UBE2E2: variants seen among roughly 807,000 people sequenced by gnomAD.
The protein encoded by UBE2E2 is ubiquitin-conjugating enzyme E2 E2.
A neutral mutation model predicts 24.7 loss-of-function variants in UBE2E2; 6 were observed. The ratio of observed to expected loss-of-function variants is 0.24; its 90% CI spans 0.13 to 0.48. The LOEUF is 0.48. Ranked by LOEUF, UBE2E2 falls within the 20% of genes least tolerant of loss-of-function variation. The pLI is 0.99. For synonymous variants in UBE2E2, 104 were observed against 83.6 expected (o/e 1.24, Z -1.33); for missense variants, 169 against 245.0 (o/e 0.69, Z 2.07).
intron 3 of UBE2E2, among the ~76,000 whole-genome samples, chr3:23,432,633 T>C (rs1473242654): frequency 6.6e-6 from 1 of 152,008 alleles, no homozygotes; most frequent in Admixed American, 6.6e-5. Context: ...GAAGGATGCT[T>C]ACTATTACTC....
chr3:23,502,872 T>C (rs1699754393), intron 4 of UBE2E2, among the ~76,000 whole-genome samples: 1 of 152,220 alleles, frequency 6.6e-6, no homozygotes, highest in South Asian at 2.1e-4. Context: ...AGGTAAGGCA[T>C]TTTACATAGT....
At chr3:23,345,650 A>T (rs1414017250) in intron 3 of UBE2E2, among the ~76,000 whole-genome samples, 2 of 152,214 alleles carry the variant, frequency 1.3e-5, no homozygotes, top group Non-Finnish European at 2.9e-5. Context: ...ATATTGAGTA[A>T]ATTAAAGTTA....
intron 3 of UBE2E2, among the ~76,000 whole-genome samples, chr3:23,374,109 T>G (rs936941158): frequency 6.6e-6 from 1 of 152,190 alleles, no homozygotes; most frequent in Non-Finnish European, 1.5e-5. Context: ...TATAATGGTA[T>G]AAAATCTTTA....
chr3:23,299,570 C>T (rs1699011710), intron 3 of UBE2E2, among the ~76,000 whole-genome samples: 1 of 152,170 alleles, frequency 6.6e-6, no homozygotes, highest in African/African-American at 2.4e-5. Flanking sequence ...GCAGGTTGTT[C>T]AGTTTCCATG....
At chr3:23,579,091 C>T (rs187994144) in intron 5 of UBE2E2, among the ~76,000 whole-genome samples, 2 of 152,136 alleles carry the variant, frequency 1.3e-5, no homozygotes, top group Admixed American at 6.6e-5. Context: ...GCTTTCAATT[C>T]TTATTATTTA....
intron 5 of UBE2E2, among the ~76,000 whole-genome samples, chr3:23,562,009 T>G (rs1220783924): frequency 1.3e-5 from 2 of 152,362 alleles, no homozygotes; most frequent in East Asian, 3.9e-4. Context: ...TCATGTGACC[T>G]GCAAACAGGG....
chr3:23,447,437 T>C (rs1315007626), intron 3 of UBE2E2, among the ~76,000 whole-genome samples: 5 of 152,200 alleles, frequency 3.3e-5, no homozygotes, highest in Admixed American at 3.3e-4. Context: ...TGTGAGTTAG[T>C]TGTAGTTATG....
chr3:23,464,583 A>G (rs1489121063), intron 3 of UBE2E2, among the ~76,000 whole-genome samples: 1 of 152,184 alleles, frequency 6.6e-6, no homozygotes, highest in African/African-American at 2.4e-5. Context: ...TTGTACTTAA[A>G]TTCAAAGACA....
rs1291832967 is a variant in UBE2E2 at position 23,591,117 on chromosome 3, G to C, written c.*1286G>C. On this transcript the variant is annotated 3_prime_UTR_variant, in exon 6 of 6. Transcript: ENST00000396703. ...CACCTTCAGGCTATTTTAGTGTGCA[G>C]CTATAGGAGGCAGAGGAAACGTGGG... is the stretch of plus-strand genomic sequence containing the variant. 2 of 152,198 alleles carry C rather than the reference G, an allele frequency of 1.3e-5. No individual in the cohort carries two copies. Among genetic ancestry groups the C allele is most frequent in the Admixed American group, 6.5e-5 (1 of 15,274 alleles). The allele number at this position is 152,198 out of a possible 1,614,324, so 9.4% of individuals were successfully genotyped here.
chr3:23,288,231 C>A (rs961763435), intron 3 of UBE2E2, among the ~76,000 whole-genome samples: 1 of 152,042 alleles, frequency 6.6e-6, no homozygotes, highest in Non-Finnish European at 1.5e-5. Context: ...TTTGAAAATT[C>A]TTCTCGTTAT....
At chr3:23,236,774 C>T (rs1039307420) in intron 3 of UBE2E2, among the ~76,000 whole-genome samples, 2 of 152,102 alleles carry the variant, frequency 1.3e-5, no homozygotes, top group African/African-American at 4.8e-5. Context: ...TAAACATTTC[C>T]TGTGGATGTG....
chr3:23,296,017 CT>C (rs1312638634), intron 3 of UBE2E2, among the ~76,000 whole-genome samples: 1 of 152,142 alleles, frequency 6.6e-6, no homozygotes, highest in Non-Finnish European at 1.5e-5. Context: ...GAGCTTATAG[CT>C]CTCATAGCTT....
chr3:23,572,462 C>G (rs1696250336), intron 5 of UBE2E2, among the ~76,000 whole-genome samples: 1 of 152,124 alleles, frequency 6.6e-6, no homozygotes. Context: ...GTTTGGGGTT[C>G]TGTTGATCGT....
At chr3:23,287,675 C>G (rs1698652431) in intron 3 of UBE2E2, among the ~76,000 whole-genome samples, 1 of 151,492 alleles carries the variant, frequency 6.6e-6, no homozygotes, top group Non-Finnish European at 1.5e-5. Flanking sequence ...AGGAAATCAT[C>G]TGTTTCTTCT....
intron 3 of UBE2E2, among the ~76,000 whole-genome samples, chr3:23,338,401 T>C (rs1172557163): frequency 6.6e-6 from 1 of 152,176 alleles, no homozygotes; most frequent in Non-Finnish European, 1.5e-5. Context: ...GATATCAGTA[T>C]GAATGAATGG....
At chr3:23,326,597 A>G (rs1386665261) in intron 3 of UBE2E2, among the ~76,000 whole-genome samples, 1 of 152,224 alleles carries the variant, frequency 6.6e-6, no homozygotes, top group African/African-American at 2.4e-5. Context: ...CCTATACAAA[A>G]AAAAGTATGA....
chr3:23,320,824 A>G (rs908308955), intron 3 of UBE2E2, among the ~76,000 whole-genome samples: 20 of 152,264 alleles, frequency 1.3e-4, no homozygotes, highest in Middle Eastern at 3.4e-3. Flanking sequence ...GTCTGTGTCT[A>G]TTGGTATCAT....
At chr3:23,477,835 A>T (rs145685203) in intron 3 of UBE2E2, among the ~76,000 whole-genome samples, 4 of 152,192 alleles carry the variant, frequency 2.6e-5, no homozygotes, top group Non-Finnish European at 4.4e-5. Context: ...TGATTGGATC[A>T]TGGGGGCAGT....
intron 3 of UBE2E2, among the ~76,000 whole-genome samples, chr3:23,487,899 C>T (rs919742051): frequency 2.0e-5 from 3 of 151,902 alleles, no homozygotes; most frequent in African/African-American, 7.3e-5. Flanking sequence ...CTTCCACTTC[C>T]TCTGCTTTGA....
Sources: gnomAD v4.1 joint callset for allele counts (sites outside exome capture counted in the v4.1 genomes callset) on GRCh38, gnomAD v4.1.1 for gene constraint, MANE v1.5 for transcripts, NCBI Gene and HGNC (gene_info 2026-07-23, HGNC 2026-07-21) for gene names.